The following PCDH19 variants were observed in gnomAD, a reference collection of about 807,000 sequenced individuals.
PCDH19 encodes protocadherin-19.
In PCDH19, 6 loss-of-function variants were observed where a neutral mutation model predicts 46.2. The observed-to-expected ratio is 0.13, with a 90% CI of 0.07 to 0.26. The LOEUF (loss-of-function observed/expected upper bound fraction) is 0.26. PCDH19 is among the 10% of genes least tolerant of loss of function. PCDH19 has a pLI of 1.00. For missense variants in PCDH19, 740 were observed against 972.3 expected (o/e 0.76, Z 3.18); for synonymous variants, 481 against 415.7 (o/e 1.16, Z -1.91).
At chrX:100,378,214 G>A (rs190558224) in intron 3 of PCDH19, among the ~76,000 whole-genome samples, 19 of 112,773 alleles carry the variant, frequency 1.7e-4, no homozygotes, top group African/African-American at 5.8e-4. Context: ...CAGTTACTGT[G>A]TTAAATGTCC....
At chrX:100,363,857 G>A (rs5921562) in intron 3 of PCDH19, among the ~76,000 whole-genome samples, 32 of 373 alleles carry the variant, frequency 0.086, 2 homozygotes, top group Middle Eastern at 1. Flanking sequence ...ATGTGCGTGC[G>A]TGTGTGTGTG....
chrX:100,297,364 CTTAAT>C (rs1209000581), intron 5 of PCDH19, among the ~76,000 whole-genome samples: 1 of 111,179 alleles, frequency 9.0e-6, no homozygotes, highest in East Asian at 2.8e-4. Flanking sequence ...ATACACAGTG[CTTAAT>C]TTAATTTTAG....
At chrX:100,318,831 T>C (rs748353288) in intron 5 of PCDH19, among the ~76,000 whole-genome samples, 12 of 110,840 alleles carry the variant, frequency 1.1e-4, no homozygotes, top group Admixed American at 1.9e-4. Context: ...TGCACGCAGA[T>C]AGATATAGTG....
At chrX:100,324,208 A>G (rs1569292256) in intron 5 of PCDH19, among the ~76,000 whole-genome samples, 1 of 112,069 alleles carries the variant, frequency 8.9e-6, no homozygotes, top group African/African-American at 3.2e-5. Context: ...GGTCCCTAAT[A>G]CTAGAAGTTA....
At chrX:100,402,466 C>A (rs1928211509) in intron 3 of PCDH19, 58 bp downstream of exon 3, 6 of 997,678 alleles carry the variant, frequency 6.0e-6, no homozygotes, top group Non-Finnish European at 8.5e-6. Flanking sequence ...TGGTATCCAG[C>A]GAGCAGCTAA....
chrX:100,303,322 AAAGG>A (rs764462656), intron 5 of PCDH19, among the ~76,000 whole-genome samples: 40 of 110,552 alleles, frequency 3.6e-4, no homozygotes, highest in Admixed American at 7.7e-4. Context: ...AGGAAGGAAA[AAAGG>A]AAGGAAGGAA....
At chrX:100,345,339 T>C (rs1020998080) in intron 4 of PCDH19, among the ~76,000 whole-genome samples, 1 of 111,636 alleles carries the variant, frequency 9.0e-6, no homozygotes, top group Non-Finnish European at 1.9e-5. Flanking sequence ...CACACTATTA[T>C]GTGTGTGTGT....
Position 100,406,828 on chromosome X carries a change from G to C in PCDH19, c.1770C>G (p.Val590=). The C allele has an allele frequency of 8.3e-7, 1 of 1,211,845 alleles. No homozygotes were observed. The highest frequency in any genetic ancestry group is 2.3e-4 in the Middle Eastern group (1 of 4,355). ...CGCCCTCATCGTAGTCTTCTGCCTT[G>C]ACAACAGTCACCAGGTAGCCTATGC... The part of the protein sequence containing the change: ...NSGIGYLVTV[V]KAEDYDEGEN... Residue 590 remains valine (V), a synonymous_variant, in exon 1 of 6, where the codon GTC becomes GTG. Transcript: ENST00000373034.
At chrX:100,357,246 C>T (rs917830587) in intron 3 of PCDH19, among the ~76,000 whole-genome samples, 4 of 111,804 alleles carry the variant, frequency 3.6e-5, no homozygotes, top group Non-Finnish European at 7.5e-5. Context: ...GAGAATTACA[C>T]TGCTACTTTG....
At chrX:100,381,798 T>C (rs1310229556) in intron 3 of PCDH19, among the ~76,000 whole-genome samples, 3 of 111,803 alleles carry the variant, frequency 2.7e-5, no homozygotes, top group Admixed American at 9.6e-5. Context: ...GATGATGTAA[T>C]ATGGGCAATT....
At chrX:100,365,306 C>T (rs936565308) in intron 3 of PCDH19, among the ~76,000 whole-genome samples, 12 of 111,426 alleles carry the variant, frequency 1.1e-4, no homozygotes, top group African/African-American at 3.3e-4. Context: ...GAACCTAAGA[C>T]TCCTTCTTTC....
chrX:100,403,442 T>G, intron 2 of PCDH19, 82 bp downstream of exon 2: 6 of 980,090 alleles, frequency 6.1e-6, no homozygotes, highest in Non-Finnish European at 7.2e-6. Flanking sequence ...CCCGGTTCCC[T>G]TTTACTCACC....
chrX:100,330,446 C>T, intron 5 of PCDH19, among the ~76,000 whole-genome samples: 1 of 112,433 alleles, frequency 8.9e-6, no homozygotes, highest in East Asian at 2.8e-4. Flanking sequence ...AAATATATCT[C>T]TGGCATTGGA....
chrX:100,296,262 T>C lies in PCDH19; in HGVS notation c.*15A>G. The C allele has an allele frequency of 8.5e-7, 1 of 1,173,248 alleles. No homozygotes were observed. The highest frequency in any genetic ancestry group is 1.2e-6 in the Non-Finnish European group (1 of 860,146). On this transcript the variant is annotated 3_prime_UTR_variant, in exon 6 of 6. Coordinates refer to ENST00000373034, the MANE Select transcript of PCDH19 (RefSeq NM_001184880.2). ...TAGCCAGTGTGGTTTCTTTCTCTTC[T>C]TCCTGGAGACTGGTTTAGAGAACGA...
intron 5 of PCDH19, among the ~76,000 whole-genome samples, chrX:100,302,437 G>A (rs1441247818): frequency 1.8e-5 from 2 of 111,337 alleles, no homozygotes; most frequent in Admixed American, 9.5e-5. Flanking sequence ...TTCATCACAC[G>A]CGTAATTACC....
Position 100,409,653 on chromosome X carries a change from C to T in PCDH19, c.-1056G>A. 5.1e-6 allele frequency: 1 copy of T among 197,533 alleles called. No homozygotes were observed. The highest frequency in any genetic ancestry group is 9.0e-6 in the Non-Finnish European group (1 of 110,813). The allele number at this position is 197,533 out of a possible 1,213,427, so 16.3% of individuals were successfully genotyped here. On this transcript the variant is annotated 5_prime_UTR_variant, in exon 1 of 6. Transcript: ENST00000373034. ...CCGGCCAGGAGAGGCGGGGCCGCCG[C>T]CGTGGGTACCGGGTGCTTCTCTTCT...
intron 3 of PCDH19, among the ~76,000 whole-genome samples, chrX:100,384,620 T>C (rs1310815838): frequency 9.0e-6 from 1 of 111,172 alleles, no homozygotes; most frequent in Non-Finnish European, 1.9e-5. Flanking sequence ...TTTAGAGATT[T>C]TCCATATCAA....
chrX:100,406,331 A>C lies in PCDH19; in HGVS notation c.2147+120T>G, dbSNP rs1255214627. 1.3e-5 allele frequency: 7 copies of C among 557,046 alleles called. No homozygotes were observed. The Admixed American group carries it at 1.7e-4, about 14-fold the overall frequency. 45.9% of individuals were successfully genotyped at this position (557,046 alleles called of 1,213,427 possible). ...CACAAACTTTTCACCCTACAAAAAG[A>C]AGCACTGCAAGTATGCTGCATGCAT... On this transcript the variant is annotated intron_variant, in intron 1 of 5. Coordinates refer to ENST00000373034, the MANE Select transcript of PCDH19 (RefSeq NM_001184880.2).
chrX:100,335,613 A>C (rs978669738), intron 5 of PCDH19, among the ~76,000 whole-genome samples: 6 of 111,800 alleles, frequency 5.4e-5, no homozygotes, highest in African/African-American at 2.0e-4. Context: ...TATTCTTATA[A>C]TTTTTTAAAA....
Sources: allele counts gnomAD v4.1 joint callset (sites outside exome capture counted in the v4.1 genomes callset), GRCh38; gene constraint gnomAD v4.1.1; transcripts MANE v1.5; gene names NCBI Gene and HGNC (gene_info 2026-07-23, HGNC 2026-07-21).